Variants in NDUFS1 observed in about 807,000 individuals in gnomAD.
NDUFS1 encodes the protein NADH-ubiquinone oxidoreductase 75 kDa subunit, mitochondrial.
Under a neutral mutation model 84.4 loss-of-function variants are expected in NDUFS1, and 61 were observed. The ratio of observed to expected loss-of-function variants is 0.72; its 90% CI spans 0.59 to 0.89. The LOEUF is 0.89. NDUFS1 is among the 40% of genes least tolerant of loss of function. The pLI is 0.00. For synonymous variants in NDUFS1, 275 were observed against 290.0 expected, an observed-to-expected ratio of 0.95 and a Z score of 0.53; for missense variants, 891 against 890.0, an observed-to-expected ratio of 1.00 and a Z score of -0.01.
At chr2:206,133,599 T>C (rs1037874369) in intron 13 of NDUFS1, among the ~76,000 whole-genome samples, 1 of 152,122 alleles carries the variant, frequency 6.6e-6, no homozygotes, top group Non-Finnish European at 1.5e-5. Flanking sequence ...TTTTAAACCA[T>C]AGTAACTCTA....
At position 206,149,809 on chromosome 2, in the gene NDUFS1, A is replaced by G. The variant is rs1021889090; in HGVS notation, c.261+9T>C. 1.7e-5 allele frequency: 27 copies of G among 1,601,538 alleles called. No individual in the cohort carries two copies. The highest frequency in any genetic ancestry group is 2.3e-5 in the Non-Finnish European group (27 of 1,168,638). On this transcript the variant is annotated intron_variant, in intron 4 of 18. Coordinates refer to ENST00000233190, the MANE Select transcript of NDUFS1 (RefSeq NM_005006.7). Reference sequence around the variant, plus strand: ...TACAGCATGGTGTAGAATTTTAGGTATCAAGTACCTTAGGGGCTTTCTCAA... The same window carrying G: ...TACAGCATGGTGTAGAATTTTAGGTGTCAAGTACCTTAGGGGCTTTCTCAA...
In NDUFS1 at chr2:206,149,860, T is replaced by C. The variant is rs760594828; in HGVS notation, c.219A>G (p.Gly73=). 8.7e-6 allele frequency: 14 copies of C among 1,612,006 alleles called. 1 individual carries two copies. Among genetic ancestry groups the C allele is most frequent in the Admixed American group, 3.4e-5 (2 of 59,646 alleles). ...TTTCAACAAGGCACATCCTGCAGTT[T>C]CCAGCAACAGACAACCTTTCATGAT... ...FCYHERLSVA[G]NCRMCLVEIE... Residue 73 remains glycine, a synonymous_variant, in exon 4 of 19, where the codon GGA becomes GGG. Coordinates refer to ENST00000233190, the MANE Select transcript of NDUFS1 (RefSeq NM_005006.7).
In NDUFS1 at chr2:206,123,257, G is replaced by A. The variant is rs1691157333; in HGVS notation, c.*928C>T. ...AGGATAATGAATACAGAACATCAAT[G>A]AGAATCTAAATTATATCTCTTGAGA... On this transcript the variant is annotated 3_prime_UTR_variant, in exon 19 of 19. Coordinates refer to ENST00000233190, the MANE Select transcript of NDUFS1 (RefSeq NM_005006.7). 6.6e-6 allele frequency: 1 copy of A among 151,200 alleles called. No individual in the cohort carries two copies. The highest frequency in any genetic ancestry group is 6.6e-5 in the Admixed American group (1 of 15,134). 9.4% of individuals were successfully genotyped at this position (151,200 alleles called of 1,614,324 possible). A position where few individuals can be genotyped will look rare whatever the true frequency, so the allele number is the denominator to read the frequency against.
At position 206,116,463 on chromosome 2, in the gene NDUFS1, A is replaced by T; in HGVS notation, c.*7722T>A. 9.0e-7 allele frequency: 1 copy of T among 1,111,148 alleles called. No individual in the cohort carries two copies. 68.8% of individuals were successfully genotyped at this position (1,111,148 alleles called of 1,614,324 possible). A position where few individuals can be genotyped will look rare whatever the true frequency, so the allele number is the denominator to read the frequency against. On this transcript the variant is annotated 3_prime_UTR_variant, in exon 19 of 19. Transcript: ENST00000233190. The stretch of plus-strand genomic sequence containing the variant: ...TGCCAGGACCACGTGCAGGCTGCAG[A>T]GCACGGCCCGCACGCTCCGCACCAC...
Position 206,116,844 on chromosome 2 carries a change from A to C in NDUFS1, c.*7341T>G. On this transcript the variant is annotated 3_prime_UTR_variant, in exon 19 of 19. Transcript: ENST00000233190. ...AGACCAGCCTGACCAACATGGTGAAACCCCGTCTCTACTAAAAATACAAAA... is the reference window on the plus strand; with the variant it reads ...AGACCAGCCTGACCAACATGGTGAACCCCCGTCTCTACTAAAAATACAAAA... 1 of 168,538 alleles carries C rather than the reference A, an allele frequency of 5.9e-6. No individual in the cohort carries two copies. Among genetic ancestry groups the C allele is most frequent in the Non-Finnish European group, 1.3e-5 (1 of 77,932 alleles). The allele number at this position is 168,538 out of a possible 1,614,324, so 10.4% of individuals were successfully genotyped here.
chr2:206,149,997 AAC>A (rs1692310180), intron 3 of NDUFS1, 72 bp from the exon 4 acceptor site: 1 of 987,678 alleles, frequency 1.0e-6, no homozygotes, highest in Non-Finnish European at 1.6e-6. Context: ...TTATTGCTGA[AAC>A]ACACACATAC....
chr2:206,145,085 A>G, intron 8 of NDUFS1, 59 bp from the exon 9 acceptor site: 1 of 1,512,926 alleles, frequency 6.6e-7, no homozygotes, highest in South Asian at 1.3e-5. Flanking sequence ...AGTTTCTGTT[A>G]CCTGGTTTAC....
Position 206,130,126 on chromosome 2 carries a change from C to G in NDUFS1, c.1670G>C (p.Arg557Pro). The G allele has an allele frequency of 1.2e-6, 2 of 1,614,100 alleles. No individual in the cohort carries two copies. Among genetic ancestry groups the G allele is most frequent in the Non-Finnish European group, 8.5e-7 (1 of 1,180,022 alleles). The change falls in exon 15 of 19, where the codon CGA becomes CCA. Residue 557 changes from arginine (R) to proline (P), a missense_variant. Transcript: ENST00000233190. Reference protein sequence around the residue: ...LLGADGGCITRQDLPKDCFII... With the variant: ...LLGADGGCITPQDLPKDCFII... ...GAAACAATCCTTTGGCAAATCCTGT[C>G]GTGTGATACAACCTCCATCTGCTCC...
At chr2:206,129,803 G>C (rs983103331) in intron 15 of NDUFS1, among the ~76,000 whole-genome samples, 5 of 151,972 alleles carry the variant, frequency 3.3e-5, no homozygotes, top group African/African-American at 1.2e-4. Context: ...TGTTGGTCAG[G>C]CTGGTCTTGA....
chr2:206,153,397 T>C (rs891902529), intron 2 of NDUFS1, among the ~76,000 whole-genome samples: 2 of 152,102 alleles, frequency 1.3e-5, no homozygotes, highest in African/African-American at 4.8e-5. Flanking sequence ...GGTTTCACTA[T>C]GATGGCCAGG....
At chr2:206,143,868 T>C in intron 10 of NDUFS1, 150 bp downstream of exon 10, 1 of 663,398 alleles carries the variant, frequency 1.5e-6, no homozygotes, top group South Asian at 1.7e-5. Context: ...CTAGCATATG[T>C]CCTCAGTAGA....
At position 206,153,569 on chromosome 2, in the gene NDUFS1, C is replaced by T. The variant is rs774666463; in HGVS notation, c.61+49G>A. ...ACTATGCCATAGACTTATAAATTTACAAAAATAAGGTCTAATATCCACGAA... is the reference window on the plus strand; with the variant it reads ...ACTATGCCATAGACTTATAAATTTATAAAAATAAGGTCTAATATCCACGAA... On this transcript the variant is annotated intron_variant, in intron 2 of 18. Transcript: ENST00000233190. 5 of 1,098,586 alleles carry T rather than the reference C, an allele frequency of 4.6e-6. No individual in the cohort carries two copies. In the South Asian group the frequency reaches 5.0e-5, roughly 11 times the overall value. The allele number at this position is 1,098,586 out of a possible 1,614,324, so 68.1% of individuals were successfully genotyped here.
In NDUFS1 at chr2:206,116,443, G is replaced by A; in HGVS notation, c.*7742C>T. On this transcript the variant is annotated 3_prime_UTR_variant, in exon 19 of 19. Coordinates refer to ENST00000233190, the MANE Select transcript of NDUFS1 (RefSeq NM_005006.7). Reference sequence around the variant, plus strand: ...GATAGGCAGGGCGCGGCAGGTGCCAGGACCACGTGCAGGCTGCAGAGCACG... The same window carrying A: ...GATAGGCAGGGCGCGGCAGGTGCCAAGACCACGTGCAGGCTGCAGAGCACG... 1 of 924,740 alleles carries A rather than the reference G, an allele frequency of 1.1e-6. No individual in the cohort carries two copies. Among genetic ancestry groups the A allele is most frequent in the Non-Finnish European group, 1.7e-6 (1 of 585,374 alleles). 57.3% of individuals were successfully genotyped at this position (924,740 alleles called of 1,614,324 possible).
chr2:206,152,749 G>A (rs1464501133), intron 2 of NDUFS1, among the ~76,000 whole-genome samples: 1 of 147,220 alleles, frequency 6.8e-6, no homozygotes, highest in Non-Finnish European at 1.5e-5. Context: ...CTGTCACCCA[G>A]GCTGGAGTGC....
At chr2:206,135,565 C>T (rs1039403548) in intron 13 of NDUFS1, among the ~76,000 whole-genome samples, 3 of 151,384 alleles carry the variant, frequency 2.0e-5, no homozygotes, top group Non-Finnish European at 4.4e-5. Flanking sequence ...CCCAGGTACT[C>T]GGGAGGCTGA....
intron 16 of NDUFS1, 196 bp downstream of exon 16, chr2:206,127,601 T>C: frequency 1.7e-6 from 1 of 594,766 alleles, no homozygotes; most frequent in Non-Finnish European, 3.0e-6. Context: ...TCCCTCAGGC[T>C]GGAGTGCAGC....
At chr2:206,159,165 T>A in intron 1 of NDUFS1, 176 bp downstream of exon 1, 1 of 1,535,472 alleles carries the variant, frequency 6.5e-7, no homozygotes, top group Non-Finnish European at 8.7e-7. Flanking sequence ...CCAGAGACCG[T>A]GGCTAAAAGC....
At chr2:206,131,763 C>T (rs1466724635) in intron 14 of NDUFS1, among the ~76,000 whole-genome samples, 1 of 152,040 alleles carries the variant, frequency 6.6e-6, no homozygotes, top group Non-Finnish European at 1.5e-5. Flanking sequence ...CACGGTGAAA[C>T]CCAGTCTCTA....
At chr2:206,136,762 C>CA (rs1691732858) in intron 13 of NDUFS1, among the ~76,000 whole-genome samples, 1 of 139,558 alleles carries the variant, frequency 7.2e-6, no homozygotes. Context: ...TTCTTTTTTT[C>CA]TTTTTTTTTT....
Sources: gnomAD v4.1 joint callset for allele counts (sites outside exome capture counted in the v4.1 genomes callset) on GRCh38, gnomAD v4.1.1 for gene constraint, MANE v1.5 for transcripts, NCBI Gene and HGNC (gene_info 2026-07-23, HGNC 2026-07-21) for gene names.